SNRPN: variants seen among roughly 807,000 people sequenced by gnomAD.
SNRPN encodes small nuclear ribonucleoprotein polypeptide N.
Under a neutral mutation model 25.2 loss-of-function variants are expected in SNRPN, and 7 were observed. That is an observed-to-expected ratio of 0.28 (90% CI 0.16 to 0.52). The LOEUF (loss-of-function observed/expected upper bound fraction) is 0.52. Among genes scored for constraint, SNRPN ranks in the 20% least tolerant of loss-of-function variants. The pLI is 0.96. For synonymous variants in SNRPN, 124 were observed against 110.6 expected (o/e 1.12, Z -0.76); for missense variants, 196 against 322.5 (o/e 0.61, Z 3.00).
At chr15:24,947,959 T>G (rs1739972932) in intron 3 of SNRPN, among the ~76,000 whole-genome samples, 1 of 151,914 alleles carries the variant, frequency 6.6e-6, no homozygotes, top group Non-Finnish European at 1.5e-5. Context: ...TATTTATTAT[T>G]ATTATACTTT....
intron 2 of SNRPN, among the ~76,000 whole-genome samples, chr15:24,901,951 T>C (rs1428042954): frequency 6.6e-6 from 1 of 152,182 alleles, no homozygotes; most frequent in African/African-American, 2.4e-5. Context: ...GATGAACAGA[T>C]AGGCAAGACA....
At chr15:24,855,828 G>GT (rs34247979), upstream of SNRPN, among the ~76,000 whole-genome samples, 20,513 of 148,812 alleles carry the variant, frequency 0.14, 1,641 homozygotes, top group African/African-American at 0.22. Flanking sequence ...ATTCTACCCC[G>GT]GAAGTCATGT....
chr15:24,910,622 G>T (rs568026022), intron 2 of SNRPN, among the ~76,000 whole-genome samples: 300 of 152,118 alleles, frequency 2.0e-3, no homozygotes, highest in African/African-American at 7.0e-3. Context: ...AGCCTCCTGA[G>T]CAGCTGGGAT....
At chr15:24,835,053 A>T (rs1313997863) in intron 2 of SNRPN, among the ~76,000 whole-genome samples, 1 of 25,548 alleles carries the variant, frequency 3.9e-5, no homozygotes, top group Non-Finnish European at 6.9e-5. Context: ...TCTATATATA[A>T]AAATATAGAT....
rs74003508 is a variant in SNRPN, at chr15:24,914,110, G to C, written c.-504-5901G>C. Among the ~76,000 whole-genome samples the C allele has an allele frequency of 8.7e-3, 1,322 of 152,178 alleles. 22 individuals carry two copies. Among genetic ancestry groups the C allele is most frequent in the African/African-American group, 0.031 (1,268 of 41,520 alleles). ...TGAGTGTGGAGAGTGGGGAGGGAGA[G>C]GGTACCTTTTGTCTTCGCAACTCTA... On this transcript the variant is annotated intron_variant, in intron 2 of 11. Coordinates refer to the SNRPN transcript ENST00000400097.
At chr15:24,930,549 C>T (rs1012087646) in intron 3 of SNRPN, among the ~76,000 whole-genome samples, 11 of 143,448 alleles carry the variant, frequency 7.7e-5, no homozygotes, top group South Asian at 2.2e-4. Context: ...AATTTGAGAC[C>T]GGCCTGGGAA....
At chr15:24,837,730 A>ATTT (rs147689924) in intron 2 of SNRPN, among the ~76,000 whole-genome samples, 154 of 139,048 alleles carry the variant, frequency 1.1e-3, no homozygotes, top group Non-Finnish European at 1.1e-3. Flanking sequence ...AACTCTTTAA[A>ATTT]TTTTTTTTTT....
At position 24,834,728 on chromosome 15, in the gene SNRPN, CCT is replaced by C. The variant is rs372713413; in HGVS notation, c.-579+4846_-579+4847del. On this transcript the variant is annotated intron_variant, in intron 2 of 12. Coordinates refer to the SNRPN transcript ENST00000400100. ...GAGTGAGACCTTGTCTCTCTCTCTC[CCT>C]CTCTCTCTCTCTCTCTCTCTCTATA... 2.4e-3 allele frequency among the ~76,000 whole-genome samples: 101 copies of C among 42,808 alleles called. 2 individuals carry two copies. Among genetic ancestry groups the C allele is most frequent in the South Asian group, 0.013 (14 of 1,044 alleles). 28.1% of individuals were successfully genotyped at this position (42,808 alleles called of 152,430 possible).
chr15:24,932,994 G>T (rs1467386518), intron 3 of SNRPN, among the ~76,000 whole-genome samples: 4 of 152,160 alleles, frequency 2.6e-5, no homozygotes, highest in Admixed American at 6.5e-5. Context: ...TGGGCATGGA[G>T]CTCATGCATG....
At chr15:24,848,877 C>A (rs189313526) in intron 2 of SNRPN, 2 of 152,016 alleles carry the variant, frequency 1.3e-5, no homozygotes, top group Admixed American at 1.3e-4. Context: ...AAAGAAGTTT[C>A]ACTACTACGT....
At chr15:24,952,392 G>A (rs1012891710), upstream of SNRPN, among the ~76,000 whole-genome samples, 1 of 152,142 alleles carries the variant, frequency 6.6e-6, no homozygotes, top group Admixed American at 6.5e-5. Context: ...TGAATTGTTG[G>A]GAGACCTATC....
intron 3 of SNRPN, among the ~76,000 whole-genome samples, chr15:24,935,666 G>C (rs773600650): frequency 6.6e-6 from 1 of 152,120 alleles, no homozygotes; most frequent in Non-Finnish European, 1.5e-5. Context: ...TGATCTATTT[G>C]GAGCAAATAT....
chr15:24,924,368 G>C (rs916753493), intron 3 of SNRPN, among the ~76,000 whole-genome samples: 1 of 151,994 alleles, frequency 6.6e-6, no homozygotes, highest in Non-Finnish European at 1.5e-5. Context: ...CAAAGTCTGC[G>C]TGTGTTATCA....
rs201923783 is a variant in SNRPN, at chr15:24,924,215, T to A, written c.-391+4091T>A. ...GGACATCACATGAAAGAAAAGCGAA[T>A]ATCCCAGAACCCAGTGAGATTCAGA... On this transcript the variant is annotated intron_variant, in intron 3 of 11. Transcript: ENST00000400097. Among the ~76,000 whole-genome samples the A allele has an allele frequency of 2.6e-5, 4 of 152,074 alleles. No individual in the cohort carries two copies. In the East Asian group the frequency reaches 5.8e-4, roughly 22 times the overall value.
At chr15:24,977,985 C>T in intron 8 of SNRPN, 69 bp downstream of exon 8, 5 of 1,417,500 alleles carry the variant, frequency 3.5e-6, no homozygotes, top group South Asian at 1.4e-5. Context: ...ATTTAAGACA[C>T]AGCCTGAGAG....
chr15:24,903,052 G>A (rs111566812), intron 2 of SNRPN, among the ~76,000 whole-genome samples: 88 of 152,136 alleles, frequency 5.8e-4, no homozygotes, highest in Non-Finnish European at 8.1e-4. Flanking sequence ...TAGACACAGA[G>A]CACTGATTGT....
intron 2 of SNRPN, among the ~76,000 whole-genome samples, chr15:24,841,712 G>A (rs74005370): frequency 0.022 from 3,403 of 152,242 alleles, 130 homozygotes; most frequent in African/African-American, 0.078. Flanking sequence ...GCCACACTGC[G>A]TAAGATTTCC....
chr15:24,911,373 A>G (rs1362856985), intron 2 of SNRPN, among the ~76,000 whole-genome samples: 1 of 152,166 alleles, frequency 6.6e-6, no homozygotes, highest in Non-Finnish European at 1.5e-5. Flanking sequence ...GAGAGCACTG[A>G]GAATGCCACA....
At position 24,955,035 on chromosome 15, in the gene SNRPN, C is replaced by T. The variant is rs746205195; in HGVS notation, c.-418C>T. On this transcript the variant is annotated 5_prime_UTR_variant, in exon 1 of 10. Transcript: ENST00000390687. ...ATGCCTGACGCATCTGTCTGAGGAG[C>T]GGTCAGTGACGCGATGGAGCGGGCA... 1.1e-5 allele frequency: 17 copies of T among 1,612,912 alleles called. No homozygotes were observed. Among genetic ancestry groups the T allele is most frequent in the Admixed American group, 1.7e-5 (1 of 59,998 alleles).
Sources: allele counts gnomAD v4.1 joint callset (sites outside exome capture counted in the v4.1 genomes callset), GRCh38; gene constraint gnomAD v4.1.1; transcripts MANE v1.5; gene names NCBI Gene and HGNC (gene_info 2026-07-23, HGNC 2026-07-21).